RBFOX1: variants seen among roughly 807,000 people sequenced by gnomAD.
The protein encoded by RBFOX1 is RNA binding fox-1 homolog 1.
Under a neutral mutation model 57.7 loss-of-function variants are expected in RBFOX1, and 8 were observed. The ratio of observed to expected loss-of-function variants is 0.14; its 90% CI spans 0.08 to 0.25. The LOEUF is 0.25. RBFOX1 is among the 10% of genes least tolerant of loss of function. The pLI is 1.00. For missense variants in RBFOX1, 611 were observed against 548.5 expected (o/e 1.11, Z -1.14); for synonymous variants, 326 against 222.4 (o/e 1.47, Z -4.15).
intron 3 of RBFOX1, among the ~76,000 whole-genome samples, chr16:6,933,050 T>C (rs111700997): frequency 0.027 from 4,061 of 152,324 alleles, 181 homozygotes; most frequent in African/African-American, 0.092. Context: ...AAGGTTCATC[T>C]GTGTCATCAC....
intron 4 of RBFOX1, among the ~76,000 whole-genome samples, chr16:7,125,158 A>G (rs959282583): frequency 6.6e-6 from 1 of 152,184 alleles, no homozygotes; most frequent in Non-Finnish European, 1.5e-5. Context: ...GTAACACTGC[A>G]TGGTGGTGTT....
At chr16:7,259,513 A>C (rs1214091829) in intron 4 of RBFOX1, among the ~76,000 whole-genome samples, 1 of 152,128 alleles carries the variant, frequency 6.6e-6, no homozygotes, top group Admixed American at 6.5e-5. Flanking sequence ...GAACACTGGG[A>C]ACATCATTTA....
intron 4 of RBFOX1, among the ~76,000 whole-genome samples, chr16:7,263,835 G>C (rs1221417420): frequency 6.6e-6 from 1 of 151,706 alleles, no homozygotes; most frequent in Non-Finnish European, 1.5e-5. Flanking sequence ...AGAAGGCGGA[G>C]GTTGTGGTGA....
At chr16:7,617,441 C>A (rs1438688174) in intron 10 of RBFOX1, among the ~76,000 whole-genome samples, 1 of 152,126 alleles carries the variant, frequency 6.6e-6, no homozygotes, top group Non-Finnish European at 1.5e-5. Flanking sequence ...AACATTGTCC[C>A]TACTTTGCTG....
chr16:5,344,550 G>T (rs1024615949), intron 1 of RBFOX1, among the ~76,000 whole-genome samples: 1 of 151,958 alleles, frequency 6.6e-6, no homozygotes, highest in Non-Finnish European at 1.5e-5. Flanking sequence ...TTCACTTTAG[G>T]TTTACAGATT....
chr16:6,998,179 C>T (rs1596465369), intron 3 of RBFOX1, among the ~76,000 whole-genome samples: 2 of 152,134 alleles, frequency 1.3e-5, no homozygotes, highest in East Asian at 3.9e-4. Context: ...GCAGCCAAAG[C>T]AGTACATTTG....
chr16:6,824,120 T>C (rs909117073), intron 3 of RBFOX1, among the ~76,000 whole-genome samples: 13 of 152,172 alleles, frequency 8.5e-5, no homozygotes, highest in African/African-American at 2.7e-4. Flanking sequence ...TAAATAGTTA[T>C]TTGGCTAGGC....
intron 1 of RBFOX1, among the ~76,000 whole-genome samples, chr16:6,060,698 C>A (rs761830996): frequency 6.6e-6 from 1 of 152,138 alleles, no homozygotes; most frequent in African/African-American, 2.4e-5. Flanking sequence ...AACAAAATAT[C>A]CTAGAAGGAC....
intron 4 of RBFOX1, among the ~76,000 whole-genome samples, chr16:7,266,741 A>AT (rs1280217379): frequency 2.0e-5 from 3 of 152,140 alleles, no homozygotes; most frequent in African/African-American, 7.2e-5. Context: ...AAAAGTAAGA[A>AT]TTTTTAGCTA....
intron 4 of RBFOX1, chr16:7,126,536 G>A (rs562826851): frequency 5.0e-5 from 11 of 218,442 alleles, no homozygotes; most frequent in South Asian, 3.1e-4. Context: ...TTTCTTAATG[G>A]CCTTGTCTTT....
chr16:7,374,308 T>C (rs1408721125), intron 4 of RBFOX1, among the ~76,000 whole-genome samples: 1 of 152,188 alleles, frequency 6.6e-6, no homozygotes, highest in Non-Finnish European at 1.5e-5. Context: ...GGAATGTCCT[T>C]CTTAAGGTGT....
intron 1 of RBFOX1, among the ~76,000 whole-genome samples, chr16:5,397,745 T>G (rs796670494): frequency 1.3e-5 from 2 of 152,334 alleles, no homozygotes; most frequent in African/African-American, 4.8e-5. Context: ...CATTAAAAGA[T>G]ATTCTGGAGA....
At chr16:5,459,461 C>G (rs76002930) in intron 1 of RBFOX1, among the ~76,000 whole-genome samples, 1 of 152,058 alleles carries the variant, frequency 6.6e-6, no homozygotes, top group Non-Finnish European at 1.5e-5. Flanking sequence ...TCCATGCTTC[C>G]GTTTAGACCT....
intron 4 of RBFOX1, among the ~76,000 whole-genome samples, chr16:7,486,149 G>A (rs1181417704): frequency 7.5e-6 from 1 of 132,928 alleles, no homozygotes; most frequent in Non-Finnish European, 1.6e-5. Context: ...TTGAGATGGA[G>A]TCTTGCTTTG....
intron 4 of RBFOX1, among the ~76,000 whole-genome samples, chr16:7,378,313 C>T (rs966245704): frequency 5.3e-5 from 8 of 152,142 alleles, no homozygotes; most frequent in Non-Finnish European, 2.9e-5. Flanking sequence ...GATGACGAAG[C>T]TTCTATCTTT....
intron 2 of RBFOX1, among the ~76,000 whole-genome samples, chr16:6,453,605 G>A (rs1935394): frequency 0.83 from 125,936 of 152,120 alleles, 52,217 homozygotes; most frequent in East Asian, 0.93. Flanking sequence ...CCAGAGGTGC[G>A]AAGAGGAGCT....
At chr16:7,577,978 A>G (rs148737583) in intron 5 of RBFOX1, among the ~76,000 whole-genome samples, 1 of 152,240 alleles carries the variant, frequency 6.6e-6, no homozygotes, top group Non-Finnish European at 1.5e-5. Flanking sequence ...TAAAGTTGGA[A>G]TTGCATGTGA....
chr16:7,431,735 A>G (rs938921270), intron 4 of RBFOX1, among the ~76,000 whole-genome samples: 1 of 152,156 alleles, frequency 6.6e-6, no homozygotes, highest in Non-Finnish European at 1.5e-5. Context: ...GGCAATTGCT[A>G]CAGAACAAAG....
chr16:6,731,680 C>T (rs762745833), intron 3 of RBFOX1, among the ~76,000 whole-genome samples: 5 of 152,050 alleles, frequency 3.3e-5, no homozygotes, highest in Non-Finnish European at 7.4e-5. Context: ...CTGAGGCACA[C>T]GTTTTGAAAG....
Sources: gnomAD v4.1 joint callset for allele counts (sites outside exome capture counted in the v4.1 genomes callset) on GRCh38, gnomAD v4.1.1 for gene constraint, MANE v1.5 for transcripts, NCBI Gene and HGNC (gene_info 2026-07-23, HGNC 2026-07-21) for gene names.